Variants in PKM observed in about 807,000 individuals in gnomAD.
PKM encodes pyruvate kinase PKM.
A neutral mutation model predicts 49.8 loss-of-function variants in PKM; 18 were observed. That is an observed-to-expected ratio of 0.36 (90% confidence interval 0.25 to 0.54). The LOEUF (loss-of-function observed/expected upper bound fraction) is 0.54. PKM is among the 20% of genes least tolerant of loss of function. The pLI, the probability that PKM is intolerant of heterozygous loss-of-function variation, is 0.89. For synonymous variants in PKM, 239 were observed against 261.8 expected (o/e 0.91, Z 0.84); for missense variants, 508 against 713.8 (o/e 0.71, Z 3.28).
Position 72,210,431 on chromosome 15 carries a change from A to T in PKM, c.294T>A (p.Phe98Leu), listed in dbSNP as rs1465320277. ...GCCGGTAGAGGATGGGGTCAGAAGC[A>T]AAGCTTTCCGTGGCTGTGCGCACAT... ...IKNVRTATES[F>L]ASDPILYRPV... Residue 98 changes from phenylalanine (F) to leucine (L), a missense_variant, in exon 4 of 11, where the codon TTT (phenylalanine) becomes TTA (leucine). Coordinates refer to ENST00000335181, the MANE Select transcript of PKM (RefSeq NM_002654.6). The T allele has an allele frequency of 1.2e-6, 2 of 1,614,178 alleles. No homozygotes were observed.
At chr15:72,207,468 A>C (rs2082115394) in intron 6 of PKM, among the ~76,000 whole-genome samples, 191 bp from the exon 7 acceptor site, 1 of 152,150 alleles carries the variant, frequency 6.6e-6, no homozygotes, top group South Asian at 2.1e-4. Context: ...GTGGGCCAAC[A>C]ATTCTGCCTG....
Position 72,202,721 on chromosome 15 carries a change from G to T in PKM, c.1141-101C>A. 1 of 1,047,038 alleles carries T rather than the reference G, an allele frequency of 9.6e-7. No individual in the cohort carries two copies. Among genetic ancestry groups the T allele is most frequent in the Non-Finnish European group, 1.4e-6 (1 of 695,872 alleles). The allele number at this position is 1,047,038 out of a possible 1,614,324, so 64.9% of individuals were successfully genotyped here. A position where few individuals can be genotyped will look rare whatever the true frequency, so the allele number is the denominator to read the frequency against. On this transcript the variant is annotated intron_variant, in intron 8 of 10. Transcript: ENST00000335181. The surrounding 1 kb of genome is among the most constrained non-coding windows in gnomAD (Gnocchi z 4.5). ...GAGGGGAAGAGTCACCGGACAGCTG[G>T]TGAGGAACATGTTCCTGGGAACAAA...
At chr15:72,210,087 G>A in intron 4 of PKM, 2 of 619,812 alleles carry the variant, frequency 3.2e-6, no homozygotes, top group East Asian at 2.7e-5. Flanking sequence ...GATACAAAGA[G>A]ATGGTTCTCC....
intron 6 of PKM, among the ~76,000 whole-genome samples, 162 bp from the exon 7 acceptor site, chr15:72,207,439 G>A (rs538647920): frequency 6.6e-6 from 1 of 152,322 alleles, no homozygotes; most frequent in South Asian, 2.1e-4. Context: ...AGGCAGTCCA[G>A]CTACCTTAGG....
intron 1 of PKM, chr15:72,221,162 T>G: frequency 6.7e-7 from 1 of 1,490,138 alleles, no homozygotes; most frequent in South Asian, 1.2e-5. Context: ...GAATATCAGG[T>G]CATACCTTTG....
intron 3 of PKM, among the ~76,000 whole-genome samples, chr15:72,213,393 G>A (rs2082302143): frequency 6.6e-6 from 1 of 152,188 alleles, no homozygotes; most frequent in Non-Finnish European, 1.5e-5. Flanking sequence ...GAACTTTGAA[G>A]GGGAGACAAT....
rs983171871 is a variant in PKM at position 72,229,504 on chromosome 15, G to A, written c.-14+1612C>T. ...CCGTACCAGCAAAGGTCCAAGCCCT[G>A]GGTCTGGAGTACGTAGATTAAGAAG... On this transcript the variant is annotated intron_variant, in intron 1 of 10. Coordinates refer to ENST00000335181, the MANE Select transcript of PKM (RefSeq NM_002654.6). 7.6e-6 allele frequency: 9 copies of A among 1,187,446 alleles called. No individual in the cohort carries two copies. The East Asian group carries it at 1.7e-4, about 23-fold the overall frequency. 73.6% of individuals were successfully genotyped at this position (1,187,446 alleles called of 1,614,324 possible).
chr15:72,208,573 C>T, intron 6 of PKM, 48 bp downstream of exon 6: 1 of 1,606,766 alleles, frequency 6.2e-7, no homozygotes, highest in Non-Finnish European at 8.5e-7. Flanking sequence ...TGGACCATGC[C>T]CTTCGGAGAG....
At chr15:72,206,915 T>G in intron 7 of PKM, 35 bp from the exon 8 acceptor site, 1 of 1,612,108 alleles carries the variant, frequency 6.2e-7, no homozygotes, top group Non-Finnish European at 8.5e-7. Flanking sequence ...AGATGTAGCT[T>G]GAGCTGTCTT....
intron 1 of PKM, among the ~76,000 whole-genome samples, chr15:72,229,043 C>A (rs1362755593): frequency 2.6e-5 from 4 of 152,186 alleles, no homozygotes; most frequent in African/African-American, 9.7e-5. Flanking sequence ...TTATCAGTTA[C>A]TTTGTCAATA....
At chr15:72,205,534 G>A (rs2082049461) in intron 8 of PKM, among the ~76,000 whole-genome samples, 1 of 151,570 alleles carries the variant, frequency 6.6e-6, no homozygotes, top group Admixed American at 6.6e-5. Context: ...TAATAGAAAT[G>A]ACATCTCTTC....
At position 72,202,629 on chromosome 15, in the gene PKM, G is replaced by C. The variant is rs777051610; in HGVS notation, c.1141-9C>G. ...TCTGCCTCACGGGCAATCTAGGGGA[G>C]CAACATCCGTCCAGAGGGACGAGAG... On this transcript the variant is annotated splice_polypyrimidine_tract_variant and intron_variant, in intron 8 of 10. Transcript: ENST00000335181. The surrounding 1 kb of genome is among the most constrained non-coding windows in gnomAD (Gnocchi z 4.5). 5.0e-6 allele frequency: 8 copies of C among 1,611,234 alleles called. No homozygotes were observed. In the South Asian group the frequency reaches 8.8e-5, roughly 18 times the overall value.
chr15:72,202,398 C>T lies in PKM; in HGVS notation c.1307+56G>A. 4 of 1,555,688 alleles carry T rather than the reference C, an allele frequency of 2.6e-6. No homozygotes were observed. The highest frequency in any genetic ancestry group is 3.5e-6 in the Non-Finnish European group (4 of 1,138,012). ...TGTTCAATGGACTGCTCCCAGGACC[C>T]CCAAGGTGAGGTACCACTGAGCAGG... On this transcript the variant is annotated intron_variant, in intron 9 of 10. Transcript: ENST00000335181. This position sits in a 1 kb window ranked among gnomAD's most constrained non-coding sequence, Gnocchi z 4.5.
intron 1 of PKM, among the ~76,000 whole-genome samples, chr15:72,230,304 C>T (rs1057126524): frequency 6.6e-6 from 1 of 152,158 alleles, no homozygotes; most frequent in Non-Finnish European, 1.5e-5. Flanking sequence ...CGGGCCGCCG[C>T]ATCCCGCCCG....
At chr15:72,222,148 A>G (rs934627941) in intron 1 of PKM, among the ~76,000 whole-genome samples, 4 of 152,262 alleles carry the variant, frequency 2.6e-5, no homozygotes, top group African/African-American at 9.6e-5. Context: ...ATTAAATCTG[A>G]TGCCTATAAG....
intron 1 of PKM, among the ~76,000 whole-genome samples, chr15:72,226,434 G>A (rs1227523128): frequency 6.6e-6 from 1 of 152,196 alleles, no homozygotes; most frequent in African/African-American, 2.4e-5. Context: ...GGAGGCTGAG[G>A]CAGGAGAATG....
chr15:72,210,045 T>A, intron 4 of PKM, 186 bp from the exon 5 acceptor site: 2 of 660,740 alleles, frequency 3.0e-6, no homozygotes, highest in Non-Finnish European at 5.4e-6. Context: ...AAAGAATATG[T>A]TTCAGTTATG....
intron 2 of PKM, 134 bp downstream of exon 2, chr15:72,218,810 G>T: frequency 1.2e-6 from 1 of 866,096 alleles, no homozygotes. Context: ...CCTATGACCT[G>T]AGTCCTTTCA....
At position 72,202,658 on chromosome 15, in the gene PKM, G is replaced by T; in HGVS notation, c.1141-38C>A. ...CATCCGTCCAGAGGGACGAGAGGGG[G>T]ACAGAGCTTTGTCAGAGCTTTGTCA... On this transcript the variant is annotated intron_variant, in intron 8 of 10. Coordinates refer to ENST00000335181, the MANE Select transcript of PKM (RefSeq NM_002654.6). This position sits in a 1 kb window ranked among gnomAD's most constrained non-coding sequence, Gnocchi z 4.5. The T allele has an allele frequency of 6.3e-7, 1 of 1,576,172 alleles. No individual in the cohort carries two copies. Among genetic ancestry groups the T allele is most frequent in the Non-Finnish European group, 8.7e-7 (1 of 1,151,146 alleles).
Sources: allele counts gnomAD v4.1 joint callset (sites outside exome capture counted in the v4.1 genomes callset), GRCh38; gene constraint gnomAD v4.1.1; non-coding constraint Gnocchi (gnomAD v3.1); transcripts MANE v1.5; gene names NCBI Gene and HGNC (gene_info 2026-07-23, HGNC 2026-07-21).